The following SUSD3 variants were observed in gnomAD, a reference collection of about 807,000 sequenced individuals.
SUSD3 encodes sushi domain-containing protein 3.
Under a neutral mutation model 20.6 loss-of-function variants are expected in SUSD3, and 18 were observed. The ratio of observed to expected loss-of-function variants is 0.87; its 90% CI spans 0.60 to 1.30. The LOEUF is 1.30. SUSD3 is among the 50% of genes most tolerant of loss of function. SUSD3 has a pLI of 0.00. For synonymous variants in SUSD3, 137 were observed against 141.5 expected, an observed-to-expected ratio of 0.97 and a Z score of 0.23; for missense variants, 306 against 346.9, an observed-to-expected ratio of 0.88 and a Z score of 0.94.
rs1404800774 is a variant in SUSD3 at position 93,069,039 on chromosome 9, TACTC to T, written c.89-6742_89-6739del. On this transcript the variant is annotated intron_variant, in intron 1 of 4. Coordinates refer to ENST00000375472, the MANE Select transcript of SUSD3 (RefSeq NM_145006.4). ...TCTCTCTAAATATCTTAATAGACGG[TACTC>T]ACCCTTCTTGCGATGATGTGAGATG... 3 of 698,244 alleles carry T rather than the reference TACTC, an allele frequency of 4.3e-6. No individual in the cohort carries two copies. In the African/African-American group the frequency reaches 5.2e-5, roughly 12 times the overall value. The allele number at this position is 698,244 out of a possible 1,614,324, so 43.3% of individuals were successfully genotyped here.
chr9:93,077,653 T>G (rs1360354725), intron 2 of SUSD3, among the ~76,000 whole-genome samples, 193 bp from the exon 3 acceptor site: 2 of 152,116 alleles, frequency 1.3e-5, no homozygotes, highest in Non-Finnish European at 2.9e-5. Context: ...CCTCCAAATA[T>G]AGTTTGCACA....
chr9:93,066,743 C>T (rs1296401801), intron 1 of SUSD3, among the ~76,000 whole-genome samples: 1 of 151,868 alleles, frequency 6.6e-6, no homozygotes, highest in Non-Finnish European at 1.5e-5. Context: ...CGGAGTCACT[C>T]TGTTGCCCTG....
rs1826319787 is a variant in SUSD3, at chr9:93,079,545, A to T, written c.500A>T (p.His167Leu). The change falls in exon 4 of 5, where the codon CAC becomes CTC. Residue 167 changes from histidine to leucine, a missense_variant. Coordinates refer to ENST00000375472, the MANE Select transcript of SUSD3 (RefSeq NM_145006.4). ...CAGGCCGCATACCTTGGCCTCAAGC[A>T]CTTCAACAAACCCGTGAGCGGGCCC... is the stretch of plus-strand genomic sequence containing the variant. ...TVQAAYLGLK[H>L]FNKPVSGPSQ... 6.2e-7 allele frequency: 1 copy of T among 1,614,026 alleles called. No individual in the cohort carries two copies. Among genetic ancestry groups the T allele is most frequent in the Admixed American group, 1.7e-5 (1 of 60,002 alleles).
At chr9:93,061,822 C>A (rs1222137210) in intron 1 of SUSD3, among the ~76,000 whole-genome samples, 1 of 152,220 alleles carries the variant, frequency 6.6e-6, no homozygotes, top group Non-Finnish European at 1.5e-5. Flanking sequence ...AGATTGAGGT[C>A]ACACAGGGAC....
intron 1 of SUSD3, among the ~76,000 whole-genome samples, chr9:93,075,429 T>G (rs1327672357): frequency 6.7e-6 from 1 of 149,786 alleles, no homozygotes; most frequent in Non-Finnish European, 1.5e-5. Context: ...TTTTTTTTTT[T>G]TTTTTGTTCT....
chr9:93,060,705 A>G (rs1825470824), intron 1 of SUSD3, among the ~76,000 whole-genome samples: 2 of 152,064 alleles, frequency 1.3e-5, no homozygotes, highest in Admixed American at 1.3e-4. Flanking sequence ...GCATGGTGGC[A>G]TGCGCCTGTA....
At chr9:93,066,316 C>T (rs1000671391) in intron 1 of SUSD3, among the ~76,000 whole-genome samples, 12 of 152,216 alleles carry the variant, frequency 7.9e-5, no homozygotes, top group Non-Finnish European at 2.9e-5. Context: ...TCACTGCAAC[C>T]TCCACCTCCC....
intron 1 of SUSD3, among the ~76,000 whole-genome samples, chr9:93,073,354 C>T (rs945296060): frequency 1.4e-4 from 21 of 150,622 alleles, no homozygotes; most frequent in African/African-American, 4.9e-4. Flanking sequence ...TCACACCATT[C>T]TCCTGCCTCA....
chr9:93,072,686 C>T (rs553164612), intron 1 of SUSD3, among the ~76,000 whole-genome samples: 8 of 152,200 alleles, frequency 5.3e-5, no homozygotes, highest in Admixed American at 2.0e-4. Context: ...AGCCAGCCCA[C>T]GTGACTGCTC....
At chr9:93,061,147 G>A (rs895968293) in intron 1 of SUSD3, among the ~76,000 whole-genome samples, 1 of 152,250 alleles carries the variant, frequency 6.6e-6, no homozygotes, top group Non-Finnish European at 1.5e-5. Context: ...GGAAAGCAGG[G>A]TTCCAGTGGC....
Position 93,075,958 on chromosome 9 carries a change from C to A in SUSD3, c.263C>A (p.Ser88Tyr). 1 of 1,604,086 alleles carries A rather than the reference C, an allele frequency of 6.2e-7. No individual in the cohort carries two copies. Among genetic ancestry groups the A allele is most frequent in the South Asian group, 1.1e-5 (1 of 90,230 alleles). The change falls in exon 2 of 5, where the codon TCC (serine) becomes TAC (tyrosine). Residue 88 changes from serine to tyrosine, a missense_variant. Physicochemically the swap from Ser to Tyr is moderately radical, Grantham distance 144. Transcript: ENST00000375472. ...AGCATCGCTGAGTGGTCTTCAGGGT[C>A]CCCAGTGTGCAAACGTAAGGACCCC... ...KGSIAEWSSG[S>Y]PVCKLVPPHE... is the part of the protein sequence containing the mutation.
At chr9:93,061,540 C>T (rs1003906225) in intron 1 of SUSD3, among the ~76,000 whole-genome samples, 1 of 152,250 alleles carries the variant, frequency 6.6e-6, no homozygotes, top group African/African-American at 2.4e-5. Flanking sequence ...CACCCTGCTG[C>T]TCAGCCTGGA....
chr9:93,076,074 C>A (rs915854164), intron 2 of SUSD3, 102 bp downstream of exon 2: 4 of 1,044,418 alleles, frequency 3.8e-6, no homozygotes, highest in Middle Eastern at 2.7e-4. Context: ...TGTCTACTCA[C>A]AAGCAGCTAG....
chr9:93,079,670 ACCTGCTGCTCCCACACGCTGAGAG>A (rs1469396311), intron 4 of SUSD3, 68 bp downstream of exon 4: 28 of 1,558,434 alleles, frequency 1.8e-5, no homozygotes, highest in Admixed American at 8.8e-5. Context: ...GCCCCGGGCC[ACCTGCTGCTCCCACACGCTGAGAG>A]CCTGCTGCTC....
intron 1 of SUSD3, 31 bp from the exon 2 acceptor site, chr9:93,075,753 C>CCCCCA: frequency 6.0e-6 from 2 of 334,096 alleles, no homozygotes; most frequent in Non-Finnish European, 1.0e-5. Context: ...CCCCCCCCCC[C>CCCCCA]GCCATGCCTC....
intron 1 of SUSD3, among the ~76,000 whole-genome samples, chr9:93,062,068 G>A (rs1322883016): frequency 6.6e-6 from 1 of 152,222 alleles, no homozygotes; most frequent in Non-Finnish European, 1.5e-5. Flanking sequence ...TCAGACGCCC[G>A]GCTGGCCTCA....
At chr9:93,079,189 A>G (rs1826299271) in intron 3 of SUSD3, among the ~76,000 whole-genome samples, 1 of 152,182 alleles carries the variant, frequency 6.6e-6, no homozygotes, top group South Asian at 2.1e-4. Flanking sequence ...CAGCCCTAGA[A>G]CTTTCCACCA....
At chr9:93,070,469 A>T (rs1825869462) in intron 1 of SUSD3, among the ~76,000 whole-genome samples, 1 of 152,196 alleles carries the variant, frequency 6.6e-6, no homozygotes, top group Non-Finnish European at 1.5e-5. Context: ...GGCAGAAAGG[A>T]TGGGGGCAGC....
intron 3 of SUSD3, 46 bp from the exon 4 acceptor site, chr9:93,079,425 G>T (rs1312163353): frequency 1.9e-6 from 3 of 1,605,952 alleles, no homozygotes; most frequent in Non-Finnish European, 2.6e-6. Flanking sequence ...CACCGTCAGG[G>T]ATACACCTGC....
Sources: allele counts gnomAD v4.1 joint callset (sites outside exome capture counted in the v4.1 genomes callset), GRCh38; gene constraint gnomAD v4.1.1; transcripts MANE v1.5; gene names NCBI Gene and HGNC (gene_info 2026-07-23, HGNC 2026-07-21).